Variants in TACC2 observed in about 807,000 individuals in gnomAD.
The protein encoded by TACC2 is transforming acidic coiled-coil containing protein 2, also known as transforming acidic coiled-coil-containing protein 2.
Under a neutral mutation model 227.3 loss-of-function variants are expected in TACC2, and 137 were observed. The ratio of observed to expected loss-of-function variants is 0.60; its 90% CI spans 0.52 to 0.69. TACC2 has a LOEUF of 0.69. Among genes scored for constraint, TACC2 ranks in the 30% least tolerant of loss-of-function variants. TACC2 has a pLI of 0.00. For missense variants in TACC2, 3,470 were observed against 3,694.4 expected (o/e 0.94, Z 1.57); for synonymous variants, 1,523 against 1,487.5 (o/e 1.02, Z -0.55).
At chr10:122,174,151 C>G (rs997784337) in intron 7 of TACC2, among the ~76,000 whole-genome samples, 1 of 152,218 alleles carries the variant, frequency 6.6e-6, no homozygotes, top group Non-Finnish European at 1.5e-5. Context: ...CTGGGTGCAA[C>G]TATCAGTCCA....
chr10:122,172,813 G>T (rs1273637504), intron 7 of TACC2, among the ~76,000 whole-genome samples: 1 of 152,078 alleles, frequency 6.6e-6, no homozygotes, highest in Non-Finnish European at 1.5e-5. Flanking sequence ...TGCACAGAGG[G>T]TGAGCAAGAG....
chr10:122,110,653 CAGTGAATGACCTT>C (rs1179391369), intron 5 of TACC2, among the ~76,000 whole-genome samples: 7 of 152,200 alleles, frequency 4.6e-5, no homozygotes, highest in Non-Finnish European at 8.8e-5. Flanking sequence ...GGTTCTCCTG[CAGTGAATGACCTT>C]AGACTCTGGA....
At chr10:122,200,929 CG>C (rs1679675850) in intron 8 of TACC2, among the ~76,000 whole-genome samples, 1 of 111,816 alleles carries the variant, frequency 8.9e-6, no homozygotes, top group African/African-American at 3.6e-5. Context: ...TGTGTTCACA[CG>C]GGGAGGACAG....
rs1048869983 is a variant in TACC2, at chr10:122,194,202, G to T, written c.5835-838G>T. Among the ~76,000 whole-genome samples, 2 of 152,216 alleles carry T rather than the reference G, an allele frequency of 1.3e-5. No homozygotes were observed. The highest frequency in any genetic ancestry group is 2.9e-5 in the Non-Finnish European group (2 of 68,036). ...GTCTCCCAAAGCGCTGGGATTAGAG[G>T]CATGAGCCACCGCACCTGGCCTGTT... On this transcript the variant is annotated intron_variant, in intron 7 of 22. Transcript: ENST00000369005. This position sits in a 1 kb window ranked among gnomAD's most constrained non-coding sequence, Gnocchi z 4.4.
chr10:122,093,686 T>C (rs2081072179), intron 5 of TACC2, among the ~76,000 whole-genome samples: 1 of 152,196 alleles, frequency 6.6e-6, no homozygotes, highest in African/African-American at 2.4e-5. Context: ...CTGCTTAACT[T>C]TTCCATCCTC....
intron 3 of TACC2, among the ~76,000 whole-genome samples, chr10:122,076,426 T>A (rs1312312201): frequency 1.3e-5 from 2 of 152,190 alleles, no homozygotes; most frequent in South Asian, 4.1e-4. Flanking sequence ...AAACATTCAT[T>A]CAATCCATTG....
intron 1 of TACC2, among the ~76,000 whole-genome samples, chr10:121,995,464 AT>A (rs1953330278): frequency 6.6e-6 from 1 of 152,132 alleles, no homozygotes; most frequent in Non-Finnish European, 1.5e-5. Flanking sequence ...CTTATAATCT[AT>A]TGTGTAATAT....
At chr10:122,009,327 G>A (rs1955640790) in intron 1 of TACC2, among the ~76,000 whole-genome samples, 1 of 152,114 alleles carries the variant, frequency 6.6e-6, no homozygotes, top group African/African-American at 2.4e-5. Flanking sequence ...TACCACAAAA[G>A]CTAACTTAAA....
At position 122,086,172 on chromosome 10, in the gene TACC2, G is replaced by T; in HGVS notation, c.3672G>T (p.Leu1224=). ...QAVPDPKELL[L]SGPPEVAAPD... The stretch of plus-strand genomic sequence containing the variant: ...TCCCAGACCCAAAGGAGCTCCTGCT[G>T]TCTGGGCCACCAGAAGTGGCTGCTC... The change falls in exon 4 of 23, where the codon CTG becomes CTT. Residue 1224 remains leucine, a synonymous_variant. Coordinates refer to ENST00000369005, the MANE Select transcript of TACC2 (RefSeq NM_206862.4). The T allele has an allele frequency of 6.2e-7, 1 of 1,613,790 alleles. No homozygotes were observed. Among genetic ancestry groups the T allele is most frequent in the Non-Finnish European group, 8.5e-7 (1 of 1,180,014 alleles).
chr10:122,241,443 C>T (rs780341722), intron 18 of TACC2, among the ~76,000 whole-genome samples: 4 of 152,126 alleles, frequency 2.6e-5, no homozygotes, highest in Non-Finnish European at 5.9e-5. Context: ...AGACGCAGAC[C>T]ACCACACCTG....
intron 7 of TACC2, among the ~76,000 whole-genome samples, chr10:122,152,727 G>T (rs930684616): frequency 6.6e-6 from 1 of 152,168 alleles, no homozygotes; most frequent in Non-Finnish European, 1.5e-5. Context: ...GGGGAAATGG[G>T]CCGAGCCATC....
intron 1 of TACC2, among the ~76,000 whole-genome samples, chr10:121,993,409 G>C (rs576981527): frequency 6.6e-6 from 1 of 152,064 alleles, no homozygotes; most frequent in Non-Finnish European, 1.5e-5. Context: ...AAAATCCCTA[G>C]ACTAGAAAAG....
At chr10:122,235,100 T>C (rs979272418) in intron 16 of TACC2, among the ~76,000 whole-genome samples, 9 of 152,238 alleles carry the variant, frequency 5.9e-5, no homozygotes, top group African/African-American at 2.2e-4. Context: ...TTTTAAAATT[T>C]TTTTAAGACA....
Position 122,032,351 on chromosome 10 carries a change from G to A in TACC2, c.33+10337G>A, listed in dbSNP as rs193164766. Among the ~76,000 whole-genome samples, 47 of 152,154 alleles carry A rather than the reference G, an allele frequency of 3.1e-4. No homozygotes were observed. In the East Asian group the frequency reaches 6.2e-3, roughly 20 times the overall value. ...CTCTGTCCCAGTGAGCACACTCCCC[G>A]TCGCACCCAGGCCCCTAGCACCTCA... is the stretch of plus-strand genomic sequence containing the variant. On this transcript the variant is annotated intron_variant, in intron 2 of 22. Transcript: ENST00000369005.
chr10:122,022,228 C>A (rs1957420884), intron 2 of TACC2: 6 of 521,914 alleles, frequency 1.1e-5, no homozygotes, highest in Admixed American at 3.4e-5. Flanking sequence ...GCCGGAAACG[C>A]TAATTCTACT....
intron 2 of TACC2, among the ~76,000 whole-genome samples, chr10:122,030,765 C>T (rs923841114): frequency 7.9e-5 from 12 of 151,850 alleles, no homozygotes; most frequent in African/African-American, 2.2e-4. Context: ...CAGGACCAGA[C>T]GAGGTCTGCC....
At chr10:122,007,004 G>A (rs1246717898) in intron 1 of TACC2, among the ~76,000 whole-genome samples, 2 of 151,844 alleles carry the variant, frequency 1.3e-5, no homozygotes, top group African/African-American at 4.8e-5. Context: ...TGGGATTATA[G>A]GCATGCGCCA....
At position 122,083,896 on chromosome 10, in the gene TACC2, G is replaced by C. The variant is rs139482219; in HGVS notation, c.1396G>C (p.Val466Leu). ...CAAAGAGGTGGTGGATGCAGGGTTG[G>C]TGGGACTGGAGAGGCAGGTGTCAGA... ...AAKEVVDAGL[V>L]GLERQVSDLG... Residue 466 changes from valine to leucine, a missense_variant, in exon 4 of 23, where the codon GTG becomes CTG. By Grantham distance (32) the Val-to-Leu change is conservative. Transcript: ENST00000369005. 1.3e-4 allele frequency: 208 copies of C among 1,614,064 alleles called. No homozygotes were observed. The highest frequency in any genetic ancestry group is 3.3e-4 in the Middle Eastern group (2 of 6,084).
chr10:122,096,097 G>A (rs550760791), intron 5 of TACC2, among the ~76,000 whole-genome samples: 40 of 152,284 alleles, frequency 2.6e-4, no homozygotes, highest in Non-Finnish European at 4.9e-4. Flanking sequence ...CCTTCCTCCC[G>A]CTGGCTGGCT....
Sources: gnomAD v4.1 joint callset for allele counts (sites outside exome capture counted in the v4.1 genomes callset) on GRCh38, gnomAD v4.1.1 for gene constraint, Gnocchi (gnomAD v3.1) non-coding constraint, MANE v1.5 for transcripts, NCBI Gene and HGNC (gene_info 2026-07-23, HGNC 2026-07-21) for gene names.